The following MCM5 variants were observed in gnomAD, a reference collection of about 807,000 sequenced individuals.
MCM5 encodes the protein minichromosome maintenance complex component 5.
In MCM5, 46 loss-of-function variants were observed where a neutral mutation model predicts 79.9. The ratio of observed to expected loss-of-function variants is 0.58; its 90% CI spans 0.45 to 0.74. The LOEUF (loss-of-function observed/expected upper bound fraction) is 0.74, where lower values mean the gene tolerates loss of function less well. Ranked by LOEUF, MCM5 falls within the 30% of genes least tolerant of loss-of-function variation. The pLI is 0.00. For missense variants in MCM5, 883 were observed against 1,017.0 expected, an observed-to-expected ratio of 0.87 and a Z score of 1.79; for synonymous variants, 404 against 390.5, an observed-to-expected ratio of 1.03 and a Z score of -0.41.
chr22:35,420,646 A>G (rs985843129), intron 14 of MCM5, among the ~76,000 whole-genome samples: 2 of 152,236 alleles, frequency 1.3e-5, no homozygotes, highest in Non-Finnish European at 1.5e-5. Flanking sequence ...TGGCCGCTAG[A>G]ACTTCAGCCA....
intron 8 of MCM5, among the ~76,000 whole-genome samples, 176 bp downstream of exon 8, chr22:35,412,857 C>T (rs1932427166): frequency 6.6e-6 from 1 of 152,152 alleles, no homozygotes; most frequent in South Asian, 2.1e-4. Context: ...GGCTGATCTG[C>T]GCACCTGTCT....
In MCM5 at chr22:35,415,084, C is replaced by T. The variant is rs1381488710; in HGVS notation, c.1204-745C>T. Among the ~76,000 whole-genome samples, 6 of 151,802 alleles carry T rather than the reference C, an allele frequency of 4.0e-5. No individual in the cohort carries two copies. In the East Asian group the frequency reaches 5.9e-4, roughly 15 times the overall value. On this transcript the variant is annotated intron_variant, in intron 9 of 16. Transcript: ENST00000216122. Reference sequence around the variant, plus strand: ...AGCCACATTAAAAAGTAGCTGGGTGCGGTTGTGTGCATACCTGTAGTCCCA... The same window carrying T: ...AGCCACATTAAAAAGTAGCTGGGTGTGGTTGTGTGCATACCTGTAGTCCCA...
At chr22:35,401,238 C>T in intron 2 of MCM5, 1 of 374,024 alleles carries the variant, frequency 2.7e-6, no homozygotes. Flanking sequence ...AGATCTTGTT[C>T]CTGTTCATCT....
chr22:35,441,658 A>G, the MCM5 span, among the ~76,000 whole-genome samples: 3 of 152,066 alleles, frequency 2.0e-5, no homozygotes, highest in African/African-American at 2.4e-5. Context: ...AGGGCAGAGG[A>G]GGACTGGGCA....
the MCM5 span, among the ~76,000 whole-genome samples, chr22:35,440,775 T>C: frequency 2.6e-5 from 4 of 152,116 alleles, no homozygotes; most frequent in African/African-American, 7.2e-5. Flanking sequence ...AGTAAGATCC[T>C]GCCTGGGTGT....
At chr22:35,436,178 A>AAG in the MCM5 span, among the ~76,000 whole-genome samples, 224 of 133,216 alleles carry the variant, frequency 1.7e-3, 1 homozygote, top group African/African-American at 5.3e-3. Flanking sequence ...AAAAAAAAAA[A>AAG]AAAAAGAAAA....
At chr22:35,418,659 CA>C (rs60538141) in intron 13 of MCM5, among the ~76,000 whole-genome samples, 8,039 of 121,070 alleles carry the variant, frequency 0.066, 483 homozygotes, top group African/African-American at 0.22. Context: ...GACTCTGTCT[CA>C]AAAAAAAAAA....
chr22:35,406,297 C>CG (rs1555903418), intron 4 of MCM5, among the ~76,000 whole-genome samples: 31 of 54,430 alleles, frequency 5.7e-4, no homozygotes, highest in Middle Eastern at 0.018. Context: ...TGCCCTGCCA[C>CG]CTCCCCCCCC....
At chr22:35,452,515 A>G in the MCM5 span, among the ~76,000 whole-genome samples, 2 of 152,182 alleles carry the variant, frequency 1.3e-5, no homozygotes, top group Non-Finnish European at 2.9e-5. Context: ...TCCACGGTAA[A>G]GTGACGCTAA....
rs1932741618 is a variant in MCM5 at position 35,423,321 on chromosome 22, A to G, written c.2083A>G (p.Ile695Val). ...CTCCCAGGTGTCTGAGCACAGCATC[A>G]TCAAGGACTTCACCAAGCAGGTGAG... ...IGSQVSEHSI[I>V]KDFTKQKYPE... The change falls in exon 16 of 17, where the codon ATC becomes GTC. Residue 695 changes from isoleucine (I) to valine (V), a missense_variant. Transcript: ENST00000216122. 4.4e-6 allele frequency: 7 copies of G among 1,605,096 alleles called. No individual in the cohort carries two copies. Among genetic ancestry groups the G allele is most frequent in the South Asian group, 1.1e-5 (1 of 90,144 alleles).
chr22:35,420,504 A>G (rs1343240025), intron 14 of MCM5, among the ~76,000 whole-genome samples: 1 of 152,238 alleles, frequency 6.6e-6, no homozygotes, highest in Non-Finnish European at 1.5e-5. Flanking sequence ...GCTATAAGTA[A>G]TGGTAAATCC....
rs941779198 is a variant in MCM5 at position 35,416,552 on chromosome 22, T to C, written c.1414-86T>C. On this transcript the variant is annotated intron_variant, in intron 11 of 16. Coordinates refer to ENST00000216122, the MANE Select transcript of MCM5 (RefSeq NM_006739.4). Reference sequence around the variant, plus strand: ...GTGTGTGTGTGTGTGTGTGTGTGTGTGTGTGTGTGTGTGTGTGTGTAAACG... The same window carrying C: ...GTGTGTGTGTGTGTGTGTGTGTGTGCGTGTGTGTGTGTGTGTGTGTAAACG... The C allele has an allele frequency of 1.9e-5, 16 of 846,836 alleles. No individual in the cohort carries two copies. In the Admixed American group the frequency reaches 3.0e-4, roughly 16 times the overall value. The allele number at this position is 846,836 out of a possible 1,614,324, so 52.5% of individuals were successfully genotyped here.
chr22:35,441,025 A>C, the MCM5 span, among the ~76,000 whole-genome samples: 118,532 of 149,490 alleles, frequency 0.79, 47,608 homozygotes, highest in African/African-American at 0.89. Context: ...CCATTGCACT[A>C]CAGCCTGGGC....
Position 35,410,842 on chromosome 22 carries a change from G to C in MCM5, c.851G>C (p.Arg284Thr), listed in dbSNP as rs866869133. The change falls in exon 7 of 17, where the codon AGG becomes ACG. Residue 284 changes from arginine (R) to threonine (T), a missense_variant. Physicochemically the swap from Arg to Thr is moderately conservative, Grantham distance 71 (BLOSUM62 -1). Coordinates refer to ENST00000216122, the MANE Select transcript of MCM5 (RefSeq NM_006739.4). ...CTGACTACCAGCAGGGGCCGTGACA[G>C]GGTGGGCGTGGGCATCCGAAGCTCC... ...FGLTTSRGRD[R>T]VGVGIRSSYI... 2 of 1,613,852 alleles carry C rather than the reference G, an allele frequency of 1.2e-6. No individual in the cohort carries two copies. The highest frequency in any genetic ancestry group is 1.7e-6 in the Non-Finnish European group (2 of 1,179,744).
intron 15 of MCM5, chr22:35,421,858 T>G (rs534810125): frequency 3.2e-6 from 1 of 309,454 alleles, no homozygotes; most frequent in African/African-American, 2.2e-5. Flanking sequence ...CCTGCCCATG[T>G]TAGAAATGAG....
the MCM5 span, among the ~76,000 whole-genome samples, chr22:35,440,557 A>G: frequency 1.3e-5 from 2 of 152,194 alleles, no homozygotes; most frequent in South Asian, 4.1e-4. Context: ...GGGGCCATAA[A>G]TTCAGGCCAG....
chr22:35,416,035 T>C, intron 10 of MCM5, 63 bp downstream of exon 10: 2 of 1,575,226 alleles, frequency 1.3e-6, no homozygotes, highest in Non-Finnish European at 1.7e-6. Flanking sequence ...TGACTTCCTG[T>C]GCTCAGCCAG....
intron 8 of MCM5, 148 bp downstream of exon 8, chr22:35,412,829 T>G (rs1932426551): frequency 1.5e-6 from 1 of 656,568 alleles, no homozygotes; most frequent in African/African-American, 1.9e-5. Context: ...CCCCCAAGCT[T>G]GCCATCAGCT....
intron 15 of MCM5, 33 bp from the exon 16 acceptor site, chr22:35,423,181 C>T: frequency 6.5e-7 from 1 of 1,528,582 alleles, no homozygotes; most frequent in Non-Finnish European, 8.8e-7. Context: ...ATTGTCCCAG[C>T]TCCCCGGCTG....
Sources: allele counts gnomAD v4.1 joint callset (sites outside exome capture counted in the v4.1 genomes callset), GRCh38; gene constraint gnomAD v4.1.1; transcripts MANE v1.5; gene names NCBI Gene and HGNC (gene_info 2026-07-23, HGNC 2026-07-21).